FRY: variants seen among roughly 807,000 people sequenced by gnomAD.
FRY encodes protein furry homolog.
Under a neutral mutation model 348.4 loss-of-function variants are expected in FRY, and 128 were observed. The observed-to-expected ratio is 0.37, with a 90% CI of 0.32 to 0.43. FRY has a LOEUF of 0.43. Among genes scored for constraint, FRY ranks in the 20% least tolerant of loss-of-function variants. The pLI is 1.00. For missense variants in FRY, 2,736 were observed against 3,695.2 expected (o/e 0.74, Z 6.73); for synonymous variants, 1,370 against 1,374.7 (o/e 1.00, Z 0.08).
intron 2 of FRY, among the ~76,000 whole-genome samples, chr13:32,089,299 A>G (rs1270254303): frequency 6.6e-6 from 1 of 152,294 alleles, no homozygotes; most frequent in East Asian, 1.9e-4. Context: ...TTAAAACACA[A>G]TATTCTATTT....
chr13:32,132,237 G>T (rs984239704), intron 8 of FRY, among the ~76,000 whole-genome samples: 1 of 119,986 alleles, frequency 8.3e-6, no homozygotes, highest in Non-Finnish European at 1.8e-5. Context: ...CTATAAAAAG[G>T]AATCTTAATT....
intron 2 of FRY, among the ~76,000 whole-genome samples, chr13:32,089,123 C>A (rs1876083842): frequency 6.6e-6 from 1 of 152,134 alleles, no homozygotes; most frequent in African/African-American, 2.4e-5. Context: ...TCCTGAAAAT[C>A]ATCAGTACAG....
At chr13:32,171,423 G>A (rs1320975735) in intron 18 of FRY, among the ~76,000 whole-genome samples, 153 bp downstream of exon 18, 2 of 139,754 alleles carry the variant, frequency 1.4e-5, no homozygotes, top group African/African-American at 5.4e-5. Flanking sequence ...TGATTTTCAT[G>A]CCTCAGCCTC....
chr13:32,268,207 T>C (rs1287967103), intron 55 of FRY, among the ~76,000 whole-genome samples: 1 of 152,192 alleles, frequency 6.6e-6, no homozygotes, highest in Non-Finnish European at 1.5e-5. Context: ...CCTCTATGCA[T>C]CTTTCTGTAA....
At chr13:32,209,242 G>A (rs767313423) in intron 32 of FRY, 133 bp downstream of exon 32, 47 of 1,032,660 alleles carry the variant, frequency 4.6e-5, no homozygotes, top group Non-Finnish European at 6.4e-5. Flanking sequence ...GGTGATGGTT[G>A]CACAGAAATA....
intron 49 of FRY, among the ~76,000 whole-genome samples, chr13:32,251,398 T>C (rs1016476466): frequency 6.6e-6 from 1 of 152,214 alleles, no homozygotes; most frequent in Non-Finnish European, 1.5e-5. Context: ...AAGAGACTCA[T>C]GCTGTAACTT....
chr13:32,078,438 A>G (rs1386828389), intron 1 of FRY, among the ~76,000 whole-genome samples: 1 of 152,224 alleles, frequency 6.6e-6, no homozygotes, highest in Non-Finnish European at 1.5e-5. Context: ...GCTCTTGACC[A>G]TGAGGAAAAC....
chr13:32,086,565 A>G (rs409496), intron 2 of FRY, among the ~76,000 whole-genome samples: 74,437 of 151,956 alleles, frequency 0.49, 20,032 homozygotes, highest in Non-Finnish European at 0.59. Context: ...AGTGGAAGCT[A>G]AATTGGGGAT....
intron 13 of FRY, among the ~76,000 whole-genome samples, chr13:32,149,112 C>G (rs1289239416): frequency 6.8e-6 from 1 of 146,838 alleles, no homozygotes; most frequent in Non-Finnish European, 1.5e-5. Context: ...TTATATATAC[C>G]TGATATATAT....
intron 24 of FRY, among the ~76,000 whole-genome samples, chr13:32,183,428 T>A (rs1672874795): frequency 6.6e-6 from 1 of 152,010 alleles, no homozygotes; most frequent in Admixed American, 6.5e-5. Context: ...TCACCTTCCC[T>A]GAAGTGAATT....
chr13:32,141,945 A>T (rs546947425), intron 11 of FRY, among the ~76,000 whole-genome samples: 1 of 152,300 alleles, frequency 6.6e-6, no homozygotes, highest in South Asian at 2.1e-4. Context: ...GCCATAATAA[A>T]TGCATACTAT....
In FRY at chr13:32,224,272, T is replaced by C. The variant is rs952973713; in HGVS notation, c.4803T>C (p.Thr1601=). Residue 1601 remains threonine (T), a synonymous_variant, in exon 37 of 61, where the codon ACT becomes ACC. Coordinates refer to ENST00000542859, the MANE Select transcript of FRY (RefSeq NM_023037.3). ...CTCCCTACACGGGCTGGTTGCTGAC[T>C]ATTACAGAGACCAAGCAGCCGCAGC... ...PISPYTGWLL[T]ITETKQPQPL... 3 of 1,614,108 alleles carry C rather than the reference T, an allele frequency of 1.9e-6. No homozygotes were observed. Among genetic ancestry groups the C allele is most frequent in the Non-Finnish European group, 2.5e-6 (3 of 1,179,956 alleles).
chr13:32,174,874 C>A (rs953561171), intron 19 of FRY, among the ~76,000 whole-genome samples: 2 of 151,702 alleles, frequency 1.3e-5, no homozygotes, highest in African/African-American at 4.8e-5. Context: ...AATGAATATT[C>A]ATTTATACAT....
At chr13:32,262,281 T>A in intron 52 of FRY, 33 bp from the exon 53 acceptor site, 1 of 1,573,134 alleles carries the variant, frequency 6.4e-7, no homozygotes, top group Non-Finnish European at 8.7e-7. Context: ...GGGAACTTCA[T>A]ACTATGTTTA....
intron 10 of FRY, among the ~76,000 whole-genome samples, chr13:32,135,436 A>C (rs1425313244): frequency 6.6e-6 from 1 of 152,176 alleles, no homozygotes; most frequent in Admixed American, 6.5e-5. Flanking sequence ...ATTTACTTTC[A>C]AGATTGGCTT....
In FRY at chr13:32,236,071, T is replaced by G. The variant is rs752722265; in HGVS notation, c.5716-7T>G. 2.5e-6 allele frequency: 4 copies of G among 1,601,284 alleles called. No homozygotes were observed. The South Asian group carries it at 4.4e-5, about 18-fold the overall frequency. ...AATACAAAATGCTATCTTTGCATGT[T>G]TGGCAGGGTTATGTAATGGAAGCGC... is the stretch of plus-strand genomic sequence containing the variant. On this transcript the variant is annotated splice_region_variant and splice_polypyrimidine_tract_variant and intron_variant, in intron 42 of 60. Transcript: ENST00000542859.
In FRY at chr13:32,274,969, C is replaced by T. The variant is rs1412074867; in HGVS notation, c.8264C>T (p.Thr2755Ile). The T allele has an allele frequency of 1.2e-6, 2 of 1,613,900 alleles. No homozygotes were observed. The highest frequency in any genetic ancestry group is 1.7e-5 in the Admixed American group (1 of 60,024). Residue 2755 changes from threonine to isoleucine, a missense_variant, in exon 56 of 61, where the codon ACA becomes ATA. Physicochemically the swap from Thr to Ile is moderately conservative, Grantham distance 89 (BLOSUM62 -1). This residue lies in a region of FRY where 789 missense variants were observed against 996.2 expected (regional missense o/e 0.79). Coordinates refer to ENST00000542859, the MANE Select transcript of FRY (RefSeq NM_023037.3). ...CTCACCTCCTGCTCTGAATGTCCTA[C>T]ACTTTTTGTGGATGCCGAGACTGTG... ...QMLTSCSECP[T>I]LFVDAETLLS... is the part of the protein sequence containing the mutation.
At chr13:32,149,588 G>A (rs1880673516) in intron 13 of FRY, among the ~76,000 whole-genome samples, 160 bp from the exon 14 acceptor site, 1 of 152,080 alleles carries the variant, frequency 6.6e-6, no homozygotes, top group South Asian at 2.1e-4. Context: ...GTTCAGATGG[G>A]CATGGTCTTC....
chr13:32,070,966 G>A (rs1226142181), intron 1 of FRY, among the ~76,000 whole-genome samples: 1 of 152,154 alleles, frequency 6.6e-6, no homozygotes, highest in Non-Finnish European at 1.5e-5. Flanking sequence ...TATTAAATAG[G>A]GAATCCTTTC....
Sources: allele counts gnomAD v4.1 joint callset (sites outside exome capture counted in the v4.1 genomes callset), GRCh38; gene constraint gnomAD v4.1.1; regional missense constraint gnomAD v4.1.1; transcripts MANE v1.5; gene names NCBI Gene and HGNC (gene_info 2026-07-23, HGNC 2026-07-21).